BCL11A: variants seen among roughly 807,000 people sequenced by gnomAD.
BCL11A encodes the protein B cell CLL/lymphoma 11A.
BCL11A carries 2 observed loss-of-function variants against 55.9 expected under a neutral mutation model. The observed-to-expected ratio is 0.04, with a 90% CI of 0.01 to 0.11. The LOEUF (loss-of-function observed/expected upper bound fraction) is 0.11, where lower values mean the gene tolerates loss of function less well. Ranked by LOEUF, BCL11A falls within the 10% of genes least tolerant of loss-of-function variation. The probability of loss-of-function intolerance (pLI) is 1.00; values close to 1 mark genes in which losing one functional copy is unlikely to be tolerated. For missense variants in BCL11A, 817 were observed against 1,137.1 expected (o/e 0.72, Z 4.05); for synonymous variants, 465 against 473.4 (o/e 0.98, Z 0.23).
At chr2:60,479,151 C>A (rs571093324) in intron 2 of BCL11A, among the ~76,000 whole-genome samples, 1 of 152,288 alleles carries the variant, frequency 6.6e-6, no homozygotes, top group African/African-American at 2.4e-5. Context: ...CTTGGCTCTA[C>A]TAATTCTGCT....
chr2:60,508,552 A>C (rs1218319043), intron 2 of BCL11A: 2 of 152,252 alleles, frequency 1.3e-5, no homozygotes. Flanking sequence ...TCTGAAGAGG[A>C]CTTTGCTTTC....
intron 2 of BCL11A, among the ~76,000 whole-genome samples, chr2:60,476,853 A>G (rs1677635158): frequency 6.6e-6 from 1 of 152,222 alleles, no homozygotes; most frequent in East Asian, 1.9e-4. Context: ...TCTTTCTGTA[A>G]TGTGAAAAAT....
intron 1 of BCL11A, among the ~76,000 whole-genome samples, chr2:60,552,569 C>A (rs1324593508): frequency 6.6e-6 from 1 of 152,204 alleles, no homozygotes; most frequent in Non-Finnish European, 1.5e-5. Context: ...CTCTCCCCGT[C>A]GCCGCGGCCC....
chr2:60,552,701 CA>C (rs1190381143), intron 1 of BCL11A, among the ~76,000 whole-genome samples: 3 of 152,122 alleles, frequency 2.0e-5, no homozygotes, highest in Non-Finnish European at 4.4e-5. Flanking sequence ...CGCTGGTGTC[CA>C]AAAGCCAGTC....
At chr2:60,482,699 C>T (rs1678031871) in intron 2 of BCL11A, among the ~76,000 whole-genome samples, 1 of 152,218 alleles carries the variant, frequency 6.6e-6, no homozygotes. Context: ...TTCCTGAAAA[C>T]AGGGCAGAAG....
chr2:60,478,500 G>A (rs548314046), intron 2 of BCL11A, among the ~76,000 whole-genome samples: 9 of 152,346 alleles, frequency 5.9e-5, no homozygotes, highest in Admixed American at 5.2e-4. Context: ...GGGGAAGCGT[G>A]GAAGGCACTT....
chr2:60,484,135 T>C (rs1389814934), intron 2 of BCL11A: 1 of 152,248 alleles, frequency 6.6e-6, no homozygotes, highest in African/African-American at 2.4e-5. Flanking sequence ...TCTGTGACAG[T>C]TGTTGGGTTG....
At chr2:60,491,138 A>G (rs1345950429) in intron 2 of BCL11A, among the ~76,000 whole-genome samples, 2 of 152,192 alleles carry the variant, frequency 1.3e-5, no homozygotes, top group Non-Finnish European at 2.9e-5. Flanking sequence ...GTGAAGCCCA[A>G]CTACGTGGTT....
Position 60,459,845 on chromosome 2 carries a change from G to A in BCL11A, c.*559C>T. 1 of 1,044,788 alleles carries A rather than the reference G, an allele frequency of 9.6e-7. No individual in the cohort carries two copies. Among genetic ancestry groups the A allele is most frequent in the Non-Finnish European group, 1.2e-6 (1 of 866,284 alleles). 64.7% of individuals were successfully genotyped at this position (1,044,788 alleles called of 1,614,324 possible). On this transcript the variant is annotated 3_prime_UTR_variant, in exon 4 of 4. Transcript: ENST00000642384. ...CAGTGCTATCTATTCTGTCTATAGA[G>A]GGTTAATCCAAAGACTGTTTTTCCT...
rs149517181 is a variant in BCL11A at position 60,477,342 on chromosome 2, C to T, written c.386-8509G>A. ...CTCCCAAATTACTCTGAAGACCACC[C>T]CAAGCCTTTTTATCTGCATCAACTC... On this transcript the variant is annotated intron_variant, in intron 2 of 3. Coordinates refer to ENST00000642384, the MANE Select transcript of BCL11A (RefSeq NM_022893.4). Among the ~76,000 whole-genome samples the T allele has an allele frequency of 6.9e-3, 1,052 of 152,264 alleles. 11 individuals are homozygous for T. The highest frequency in any genetic ancestry group is 0.024 in the African/African-American group (1,000 of 41,540).
chr2:60,453,472 C>A (rs932529978), downstream of BCL11A, among the ~76,000 whole-genome samples: 16 of 152,194 alleles, frequency 1.1e-4, no homozygotes, highest in Non-Finnish European at 2.1e-4. Context: ...CTCCTCTCCC[C>A]TGACTTGGCG....
rs768749255 is a variant in BCL11A at position 60,461,511 on chromosome 2, C to T, written c.1401G>A (p.Val467=). 3.1e-6 allele frequency: 5 copies of T among 1,606,824 alleles called. No individual in the cohort carries two copies. The East Asian group carries it at 8.9e-5, about 29-fold the overall frequency. The part of the protein sequence containing the change: ...GSASSALKSV[V]AKFKSENDPN... ...GGTCGTTCTCGCTCTTGAACTTGGCCACCACGGACTTGAGCGCGCTGCTGG... is the reference window on the plus strand; with the variant it reads ...GGTCGTTCTCGCTCTTGAACTTGGCTACCACGGACTTGAGCGCGCTGCTGG... Residue 467 remains valine (V), a synonymous_variant, in exon 4 of 4, where the codon GTG becomes GTA. Transcript: ENST00000642384.
chr2:60,467,120 G>GTA (rs1390750847), intron 3 of BCL11A, among the ~76,000 whole-genome samples: 2 of 134,374 alleles, frequency 1.5e-5, no homozygotes, highest in African/African-American at 2.8e-5. Context: ...AGTGGTGGTG[G>GTA]TGGTGGTGAT....
rs113995950 is a variant in BCL11A at position 60,479,094 on chromosome 2, T to C, written c.386-10261A>G. 3.7e-3 allele frequency among the ~76,000 whole-genome samples: 565 copies of C among 152,308 alleles called. 3 individuals are homozygous for C. Among genetic ancestry groups the C allele is most frequent in the African/African-American group, 0.013 (533 of 41,572 alleles). On this transcript the variant is annotated intron_variant, in intron 2 of 3. Coordinates refer to ENST00000642384, the MANE Select transcript of BCL11A (RefSeq NM_022893.4). ...TGCCCGCAGATACAACCTGCCATCATTGGAGCAGCCTCAGTCCAGCCATGG... is the reference window on the plus strand; with the variant it reads ...TGCCCGCAGATACAACCTGCCATCACTGGAGCAGCCTCAGTCCAGCCATGG...
At chr2:60,450,999 C>A (rs1247382862), downstream of BCL11A, 1 of 173,376 alleles carries the variant, frequency 5.8e-6, no homozygotes, top group African/African-American at 2.4e-5. Flanking sequence ...ACCAGAAAAC[C>A]TGGCTTCTCT....
intron 2 of BCL11A, chr2:60,544,426 T>A (rs1670061961): frequency 6.6e-6 from 1 of 152,194 alleles, no homozygotes; most frequent in Admixed American, 6.5e-5. Flanking sequence ...TTCACCTACA[T>A]GTCACATAAG....
At chr2:60,509,436 C>T (rs1423098011) in intron 2 of BCL11A, among the ~76,000 whole-genome samples, 6 of 152,180 alleles carry the variant, frequency 3.9e-5, no homozygotes, top group East Asian at 1.9e-4. Context: ...TCTCAGAAAA[C>T]GGTTCTGTGG....
chr2:60,469,431 T>C (rs149043083), intron 2 of BCL11A, among the ~76,000 whole-genome samples: 34 of 152,272 alleles, frequency 2.2e-4, no homozygotes, highest in African/African-American at 8.2e-4. Context: ...AGCTGGGCCA[T>C]ACTCTAGAAT....
At chr2:60,493,999 G>C (rs1678801969) in intron 2 of BCL11A, among the ~76,000 whole-genome samples, 1 of 152,156 alleles carries the variant, frequency 6.6e-6, no homozygotes, top group African/African-American at 2.4e-5. Flanking sequence ...GGAAGGTACG[G>C]GGAGTGGAGG....
Sources: allele counts gnomAD v4.1 joint callset (sites outside exome capture counted in the v4.1 genomes callset), GRCh38; gene constraint gnomAD v4.1.1; transcripts MANE v1.5; gene names NCBI Gene and HGNC (gene_info 2026-07-23, HGNC 2026-07-21).